Variants in ITGB6 observed in about 807,000 individuals in gnomAD.
ITGB6 encodes integrin beta-6.
In ITGB6, 80 loss-of-function variants were observed where a neutral mutation model predicts 84.5. That is an observed-to-expected ratio of 0.95 (90% CI 0.79 to 1.14). The LOEUF is 1.14. Ranked by LOEUF, ITGB6 falls within the 50% of genes most tolerant of loss-of-function variation. The pLI, the probability that ITGB6 is intolerant of heterozygous loss-of-function variation, is 0.00. For synonymous variants in ITGB6, 383 were observed against 354.9 expected (o/e 1.08, Z -0.89); for missense variants, 1,006 against 968.0 (o/e 1.04, Z -0.52).
chr2:160,137,605 G>T lies in ITGB6; in HGVS notation c.1489C>A (p.Leu497Met), dbSNP rs1461342856. 2.5e-6 allele frequency: 4 copies of T among 1,614,206 alleles called. No individual in the cohort carries two copies. Among genetic ancestry groups the T allele is most frequent in the Non-Finnish European group, 3.4e-6 (4 of 1,180,030 alleles). ...GPRCECGEDM[L>M]STDSCKEAPD... Reference sequence around the variant, plus strand: ...GCCTCCTTGCAGGAATCTGTGCTCAGCATGTCCTCGCCACACTCACAGCGA... The same window carrying T: ...GCCTCCTTGCAGGAATCTGTGCTCATCATGTCCTCGCCACACTCACAGCGA... Residue 497 changes from leucine (L) to methionine (M), a missense_variant, in exon 10 of 15, where the codon CTG (leucine) becomes ATG (methionine). Leu to Met is a conservative substitution (Grantham distance 15, BLOSUM62 2). Coordinates refer to ENST00000283249, the MANE Select transcript of ITGB6 (RefSeq NM_000888.5).
intron 4 of ITGB6, among the ~76,000 whole-genome samples, chr2:160,181,547 G>A (rs555225393): frequency 8.5e-4 from 130 of 152,320 alleles, no homozygotes; most frequent in African/African-American, 2.9e-3. Context: ...GGAAAGGGGC[G>A]ACTGTGGGCA....
At chr2:160,102,548 G>C (rs886505078) in intron 14 of ITGB6, among the ~76,000 whole-genome samples, 1 of 152,238 alleles carries the variant, frequency 6.6e-6, no homozygotes, top group Non-Finnish European at 1.5e-5. Flanking sequence ...CCAAAGGCAG[G>C]CCAGGAAAAA....
intron 7 of ITGB6, among the ~76,000 whole-genome samples, chr2:160,166,118 A>C (rs960145858): frequency 1.3e-5 from 2 of 152,188 alleles, no homozygotes; most frequent in Admixed American, 6.5e-5. Context: ...TTTTGTCTCC[A>C]GAGGAAAGGT....
chr2:160,111,645 T>C (rs538831958), intron 13 of ITGB6, among the ~76,000 whole-genome samples: 4 of 148,076 alleles, frequency 2.7e-5, no homozygotes, highest in African/African-American at 1.0e-4. Context: ...AGTGGCGCGA[T>C]CTCGGATCAA....
At chr2:160,109,611 C>T (rs1697045106) in intron 13 of ITGB6, among the ~76,000 whole-genome samples, 1 of 152,214 alleles carries the variant, frequency 6.6e-6, no homozygotes, top group South Asian at 2.1e-4. Context: ...AGTGCCAGAG[C>T]AGGTCTTACA....
chr2:160,135,456 A>G (rs1447634723), intron 10 of ITGB6, among the ~76,000 whole-genome samples: 2 of 150,718 alleles, frequency 1.3e-5, no homozygotes, highest in Admixed American at 6.6e-5. Flanking sequence ...AAGAATCAAT[A>G]TCATGAAAAT....
chr2:160,160,913 G>A (rs1403770861), intron 7 of ITGB6, among the ~76,000 whole-genome samples: 1 of 152,154 alleles, frequency 6.6e-6, no homozygotes, highest in African/African-American at 2.4e-5. Flanking sequence ...AAGCGGAGAA[G>A]GGTAATTACA....
chr2:160,142,371 A>T (rs552772896), intron 7 of ITGB6, among the ~76,000 whole-genome samples: 1 of 152,184 alleles, frequency 6.6e-6, no homozygotes, highest in Non-Finnish European at 1.5e-5. Flanking sequence ...AGTAGCATTT[A>T]TATAACATCT....
chr2:160,179,469 A>G (rs1056517066), intron 4 of ITGB6, among the ~76,000 whole-genome samples: 1 of 148,846 alleles, frequency 6.7e-6, no homozygotes, highest in African/African-American at 2.5e-5. Flanking sequence ...GCTCACTGCA[A>G]CCTCTGCCTC....
intron 4 of ITGB6, among the ~76,000 whole-genome samples, chr2:160,174,689 C>A (rs1281444203): frequency 2.6e-5 from 4 of 152,104 alleles, no homozygotes; most frequent in African/African-American, 4.8e-5. Flanking sequence ...GAAATAAAAC[C>A]ACTACTTAAG....
chr2:160,130,995 G>C (rs1368328965), intron 10 of ITGB6, among the ~76,000 whole-genome samples: 1 of 152,126 alleles, frequency 6.6e-6, no homozygotes, highest in Non-Finnish European at 1.5e-5. Context: ...TGGCCTTCCA[G>C]AGCCACTGAC....
chr2:160,169,564 T>G (rs1257122705), intron 6 of ITGB6, among the ~76,000 whole-genome samples: 6 of 152,230 alleles, frequency 3.9e-5, no homozygotes, highest in African/African-American at 1.2e-4. Context: ...GCTCTGCCAC[T>G]TCTAAGAAGA....
rs528310931 is a variant in ITGB6, at chr2:160,173,982, C to T, written c.751G>A (p.Val251Met). The T allele has an allele frequency of 3.1e-6, 5 of 1,613,430 alleles. No homozygotes were observed. In the East Asian group the frequency reaches 6.7e-5, roughly 22 times the overall value. The stretch of plus-strand genomic sequence containing the variant: ...CACTCCCTTCAGCATACCTTACACA[C>T]AGCAGCTTGCATAATTGCATCAAAT... Reference protein sequence around the residue: ...GGFDAIMQAAVCKEKIGWRND... With the variant: ...GGFDAIMQAAMCKEKIGWRND... Residue 251 changes from valine (V) to methionine (M), a missense_variant, in exon 5 of 15, where the codon GTG (valine) becomes ATG (methionine). Physicochemically the swap from Val to Met is conservative, Grantham distance 21. Transcript: ENST00000283249.
intron 10 of ITGB6, 58 bp from the exon 11 acceptor site, chr2:160,126,659 G>C: frequency 6.7e-7 from 1 of 1,484,350 alleles, no homozygotes; most frequent in Non-Finnish European, 9.3e-7. Context: ...AGATTTGAGG[G>C]GGTGAGGGGC....
intron 12 of ITGB6, among the ~76,000 whole-genome samples, chr2:160,119,263 C>A (rs1405999493): frequency 6.6e-6 from 1 of 152,182 alleles, no homozygotes; most frequent in African/African-American, 2.4e-5. Context: ...TGACTTCAAA[C>A]TATACTACAA....
chr2:160,137,433 C>T lies in ITGB6; in HGVS notation c.1660+1G>A, dbSNP rs1683784897. 4 of 1,602,894 alleles carry T rather than the reference C, an allele frequency of 2.5e-6. No homozygotes were observed. ...GTAAGATGGATTTCAACATAGCCTA[C>T]CTCCGCAGAGCAGCCCTTTGTGTCT... On this transcript the variant is annotated splice_donor_variant, in intron 10 of 14. Coordinates refer to ENST00000283249, the MANE Select transcript of ITGB6 (RefSeq NM_000888.5). LOFTEE classifies it high-confidence loss of function.
chr2:160,115,278 G>A (rs1682716290), intron 12 of ITGB6, among the ~76,000 whole-genome samples: 4 of 152,178 alleles, frequency 2.6e-5, no homozygotes, highest in East Asian at 3.8e-4. Context: ...CACACAGCCG[G>A]GTACTCCTCT....
At chr2:160,193,331 T>TA (rs1258703043) in intron 4 of ITGB6, among the ~76,000 whole-genome samples, 3 of 152,110 alleles carry the variant, frequency 2.0e-5, no homozygotes, top group Non-Finnish European at 4.4e-5. Flanking sequence ...TACAAAATAA[T>TA]AGGTAAATCT....
chr2:160,160,424 CT>C (rs1684773982), intron 7 of ITGB6, among the ~76,000 whole-genome samples: 1 of 152,064 alleles, frequency 6.6e-6, no homozygotes, highest in Non-Finnish European at 1.5e-5. Flanking sequence ...TGTGCCAACC[CT>C]TGAATTTATA....
Sources: allele counts gnomAD v4.1 joint callset (sites outside exome capture counted in the v4.1 genomes callset), GRCh38; gene constraint gnomAD v4.1.1; transcripts MANE v1.5; gene names NCBI Gene and HGNC (gene_info 2026-07-23, HGNC 2026-07-21).